DCHS2: variants seen among roughly 807,000 people sequenced by gnomAD.
DCHS2 encodes the protein dachsous cadherin-related 2.
Under a neutral mutation model 182.4 loss-of-function variants are expected in DCHS2, and 142 were observed. That is an observed-to-expected ratio of 0.78 (90% CI 0.68 to 0.89). The LOEUF is 0.89. Among genes scored for constraint, DCHS2 ranks in the 40% least tolerant of loss-of-function variants. The probability of loss-of-function intolerance (pLI) is 0.00; values close to 1 mark genes in which losing one functional copy is unlikely to be tolerated. For missense variants in DCHS2, 4,319 were observed against 4,198.6 expected (o/e 1.03, Z -0.79); for synonymous variants, 1,740 against 1,663.3 (o/e 1.05, Z -1.12).
chr4:154,479,305 G>C (rs1735820372), intron 1 of DCHS2, among the ~76,000 whole-genome samples: 1 of 151,906 alleles, frequency 6.6e-6, no homozygotes, highest in Non-Finnish European at 1.5e-5. Context: ...AAAATGAACA[G>C]AGTCTCAAGG....
At chr4:154,282,283 G>A (rs1387941666) in intron 13 of DCHS2, among the ~76,000 whole-genome samples, 1 of 152,064 alleles carries the variant, frequency 6.6e-6, no homozygotes, top group Non-Finnish European at 1.5e-5. Flanking sequence ...CCACATATCT[G>A]ATGAGAGGTT....
At chr4:154,460,736 A>G (rs1015773765) in intron 1 of DCHS2, among the ~76,000 whole-genome samples, 1 of 152,204 alleles carries the variant, frequency 6.6e-6, no homozygotes, top group Non-Finnish European at 1.5e-5. Context: ...CCTAGCATAT[A>G]GTAAGAAGTC....
At chr4:154,481,525 G>A (rs1162919654) in intron 1 of DCHS2, among the ~76,000 whole-genome samples, 1 of 152,120 alleles carries the variant, frequency 6.6e-6, no homozygotes, top group Non-Finnish European at 1.5e-5. Flanking sequence ...CCAAAGTGCT[G>A]GGATTACAGA....
chr4:154,475,202 T>C (rs1735635749), intron 1 of DCHS2, among the ~76,000 whole-genome samples: 1 of 152,182 alleles, frequency 6.6e-6, no homozygotes, highest in Admixed American at 6.5e-5. Context: ...TGTAAACTTA[T>C]ATATTTACTC....
At chr4:154,261,607 G>A (rs1236992859) in intron 14 of DCHS2, 1 of 152,016 alleles carries the variant, frequency 6.6e-6, no homozygotes, top group African/African-American at 2.4e-5. Context: ...ATTCTAGTGG[G>A]AGGCATATCC....
chr4:154,393,380 GA>G (rs1036677308), intron 1 of DCHS2, among the ~76,000 whole-genome samples: 9 of 151,740 alleles, frequency 5.9e-5, no homozygotes, highest in East Asian at 1.9e-4. Flanking sequence ...TTGGTTGGGG[GA>G]AAAAAAATGG....
In DCHS2 at chr4:154,391,269, T is replaced by A. The variant is rs1378282770; in HGVS notation, c.2053-13825A>T. Reference sequence around the variant, plus strand: ...CATCTTCTTTTCTCCGTCTTCATTCTCTGATTTCGTTATCTCATCCAGTCT... The same window carrying A: ...CATCTTCTTTTCTCCGTCTTCATTCACTGATTTCGTTATCTCATCCAGTCT... On this transcript the variant is annotated intron_variant, in intron 1 of 19. Coordinates refer to ENST00000357232, the MANE Select transcript of DCHS2 (RefSeq NM_001358235.2). 4 of 1,605,422 alleles carry A rather than the reference T, an allele frequency of 2.5e-6. No homozygotes were observed. In the African/African-American group the frequency reaches 4.0e-5, roughly 16 times the overall value.
intron 5 of DCHS2, among the ~76,000 whole-genome samples, chr4:154,331,362 G>A (rs1020501971): frequency 2.0e-5 from 3 of 152,094 alleles, no homozygotes; most frequent in Non-Finnish European, 4.4e-5. Context: ...ATCAACTGTA[G>A]TTTGCTTATT....
intron 1 of DCHS2, among the ~76,000 whole-genome samples, chr4:154,411,295 TAAAA>T (rs1732622509): frequency 6.6e-6 from 1 of 151,802 alleles, no homozygotes; most frequent in Admixed American, 6.6e-5. Flanking sequence ...AAGTAGCAAA[TAAAA>T]AGAATAAACA....
At chr4:154,368,678 G>A (rs60742000) in intron 2 of DCHS2, among the ~76,000 whole-genome samples, 2,235 of 152,168 alleles carry the variant, frequency 0.015, 56 homozygotes, top group African/African-American at 0.051. Flanking sequence ...CACCACACCC[G>A]GCTAATTTTG....
At chr4:154,271,860 T>A (rs1201772543) in intron 13 of DCHS2, among the ~76,000 whole-genome samples, 1 of 152,158 alleles carries the variant, frequency 6.6e-6, no homozygotes, top group African/African-American at 2.4e-5. Context: ...ATCATAAGCA[T>A]AAAATATTTT....
At chr4:154,403,557 G>A (rs1391713983) in intron 1 of DCHS2, among the ~76,000 whole-genome samples, 5 of 152,014 alleles carry the variant, frequency 3.3e-5, no homozygotes, top group Non-Finnish European at 2.9e-5. Flanking sequence ...ATATTTTACT[G>A]AGGATTTTTA....
Position 154,377,460 on chromosome 4 carries a change from G to T in DCHS2, c.2053-16C>A, listed in dbSNP as rs758827772. ...AGGCTGTCACCTGTGAGACAGGAGGGTGATCAGGAGGAAACAGAAATGCTA... is the reference window on the plus strand; with the variant it reads ...AGGCTGTCACCTGTGAGACAGGAGGTTGATCAGGAGGAAACAGAAATGCTA... On this transcript the variant is annotated splice_polypyrimidine_tract_variant and intron_variant, in intron 1 of 19. Transcript: ENST00000357232. 7 of 1,595,638 alleles carry T rather than the reference G, an allele frequency of 4.4e-6. No individual in the cohort carries two copies. The highest frequency in any genetic ancestry group is 6.0e-6 in the Non-Finnish European group (7 of 1,167,728).
intron 3 of DCHS2, among the ~76,000 whole-genome samples, chr4:154,347,861 C>T (rs1729432271): frequency 6.6e-6 from 1 of 151,920 alleles, no homozygotes; most frequent in Non-Finnish European, 1.5e-5. Flanking sequence ...TAATGACACT[C>T]ATTCCAACAT....
Position 154,320,830 on chromosome 4 carries a change from A to G in DCHS2, c.4569T>C (p.Val1523=). Residue 1523 remains valine (V), a synonymous_variant, in exon 9 of 20, where the codon GTT becomes GTC. Coordinates refer to ENST00000357232, the MANE Select transcript of DCHS2 (RefSeq NM_001358235.2). ...ELIVISVEEN[V]PIGTLVYVFN... is the part of the protein sequence containing the mutation. ...AGACATACACCAGGGTTCCTATGGGAACATTCTCCTCTACACTGATCACAA... is the reference window on the plus strand; with the variant it reads ...AGACATACACCAGGGTTCCTATGGGGACATTCTCCTCTACACTGATCACAA... The G allele has an allele frequency of 1.2e-6, 2 of 1,614,060 alleles. No homozygotes were observed. The highest frequency in any genetic ancestry group is 1.7e-6 in the Non-Finnish European group (2 of 1,179,988).
At chr4:154,455,511 A>G (rs889996502) in intron 1 of DCHS2, among the ~76,000 whole-genome samples, 3 of 152,200 alleles carry the variant, frequency 2.0e-5, no homozygotes, top group African/African-American at 7.2e-5. Flanking sequence ...ATTTTATCTA[A>G]TTATGAAAAC....
At chr4:154,276,451 A>G (rs1439975811) in intron 13 of DCHS2, among the ~76,000 whole-genome samples, 1 of 152,210 alleles carries the variant, frequency 6.6e-6, no homozygotes, top group Non-Finnish European at 1.5e-5. Flanking sequence ...AATAATTATA[A>G]AAGTATTTAG....
At chr4:154,481,337 C>T (rs1735911776) in intron 1 of DCHS2, among the ~76,000 whole-genome samples, 1 of 152,196 alleles carries the variant, frequency 6.6e-6, no homozygotes, top group Non-Finnish European at 1.5e-5. Flanking sequence ...TCATGGTTCA[C>T]TGCAGCCTCG....
intron 10 of DCHS2, among the ~76,000 whole-genome samples, chr4:154,313,399 A>G (rs1381223041): frequency 1.3e-5 from 2 of 152,188 alleles, no homozygotes; most frequent in East Asian, 3.9e-4. Flanking sequence ...TGGGCTTTGA[A>G]TGCCAAATAA....
Sources: allele counts gnomAD v4.1 joint callset (sites outside exome capture counted in the v4.1 genomes callset), GRCh38; gene constraint gnomAD v4.1.1; transcripts MANE v1.5; gene names NCBI Gene and HGNC (gene_info 2026-07-23, HGNC 2026-07-21).